The following MYD88 variants were observed in gnomAD, a reference collection of about 807,000 sequenced individuals.
MYD88 encodes the protein MYD88 innate immune signal transduction adaptor, also known as myeloid differentiation primary response protein MyD88.
MYD88 carries 15 observed loss-of-function variants against 31.1 expected under a neutral mutation model. The observed-to-expected ratio is 0.48, with a 90% CI of 0.32 to 0.74. The LOEUF is 0.74. Among genes scored for constraint, MYD88 ranks in the 30% least tolerant of loss-of-function variants. MYD88 has a pLI of 0.03. For missense variants in MYD88, 308 were observed against 387.4 expected, an observed-to-expected ratio of 0.79 and a Z score of 1.72; for synonymous variants, 157 against 158.8, an observed-to-expected ratio of 0.99 and a Z score of 0.08.
chr3:38,140,891 A>G (rs1339140162), intron 4 of MYD88, 43 bp downstream of exon 4: 1 of 1,577,328 alleles, frequency 6.3e-7, no homozygotes. Flanking sequence ...GGGAATGTGT[A>G]GGTGGGGCCT....
intron 2 of MYD88, 47 bp from the exon 3 acceptor site, chr3:38,140,341 A>G: frequency 3.1e-6 from 5 of 1,607,180 alleles, no homozygotes; most frequent in Non-Finnish European, 4.3e-6. Flanking sequence ...ATCCCTCCCA[A>G]GCCTTCCCAT....
Position 38,141,911 on chromosome 3 carries a change from A to T in MYD88, c.*625A>T, listed in dbSNP as rs962789142. On this transcript the variant is annotated 3_prime_UTR_variant, in exon 5 of 5. Transcript: ENST00000650905. The stretch of plus-strand genomic sequence containing the variant: ...GACCCCACCTTGAGCCTTATTTCCT[A>T]ATGGGTCCACCTCTCATCTGCATCT... The T allele has an allele frequency of 4.0e-6, 1 of 250,572 alleles. No individual in the cohort carries two copies. Among genetic ancestry groups the T allele is most frequent in the Non-Finnish European group, 7.9e-6 (1 of 127,170 alleles). The allele number at this position is 250,572 out of a possible 1,614,324, so 15.5% of individuals were successfully genotyped here.
rs1701061195 is a variant in MYD88 at position 38,140,778 on chromosome 3, T to A, written c.666T>A (p.Val222=). The A allele has an allele frequency of 6.2e-7, 1 of 1,614,042 alleles. No individual in the cohort carries two copies. The stretch of plus-strand genomic sequence containing the variant: ...CTAGGTGCCGCCGGATGGTGGTGGT[T>A]GTCTCTGATGATTACCTGCAGAGCA... ...IEKRCRRMVV[V]VSDDYLQSKE... The change falls in exon 4 of 5, where the codon GTT becomes GTA. Residue 222 remains valine (V), a synonymous_variant. Coordinates refer to ENST00000650905, the MANE Select transcript of MYD88 (RefSeq NM_002468.5).
At position 38,139,719 on chromosome 3, in the gene MYD88, G is replaced by T. The variant is rs954646966; in HGVS notation, c.329-145G>T. The T allele has an allele frequency of 9.6e-6, 10 of 1,044,078 alleles. No individual in the cohort carries two copies. The highest frequency in any genetic ancestry group is 1.4e-5 in the Non-Finnish European group (10 of 696,422). The allele number at this position is 1,044,078 out of a possible 1,614,324, so 64.7% of individuals were successfully genotyped here. On this transcript the variant is annotated intron_variant, in intron 1 of 4. Coordinates refer to ENST00000650905, the MANE Select transcript of MYD88 (RefSeq NM_002468.5). This position sits in a 1 kb window ranked among gnomAD's most constrained non-coding sequence, Gnocchi z 4.7. The stretch of plus-strand genomic sequence containing the variant: ...AGTGGGAGCTCAACTTCTCAGAGCC[G>T]TTGAGCTTCGCGTGGCACCAGTGAA...
Position 38,140,410 on chromosome 3 carries a change from TG to T in MYD88, c.487del (p.Ala163ProfsTer16). 7.4e-6 allele frequency: 12 copies of T among 1,614,206 alleles called. No individual in the cohort carries two copies. Among genetic ancestry groups the T allele is most frequent in the Non-Finnish European group, 1.0e-5 (12 of 1,180,028 alleles). ...PLGHMPERFD[A>X]FICYCPSDIQ... ...CAGGGCATATGCCTGAGCGTTTCGATGCCTTCATCTGCTATTGCCCCAGCGA... is the reference window on the plus strand; with the variant it reads ...CAGGGCATATGCCTGAGCGTTTCGATCCTTCATCTGCTATTGCCCCAGCGA... On this transcript the variant is annotated frameshift_variant, in exon 3 of 5. Transcript: ENST00000650905. LOFTEE classifies it high-confidence loss of function.
In MYD88 at chr3:38,141,797, C is replaced by A; in HGVS notation, c.*511C>A. 1 of 319,146 alleles carries A rather than the reference C, an allele frequency of 3.1e-6. No individual in the cohort carries two copies. The highest frequency in any genetic ancestry group is 4.5e-5 in the Admixed American group (1 of 22,114). 19.8% of individuals were successfully genotyped at this position (319,146 alleles called of 1,614,324 possible). ...GCAGCTTCTTCCACAGTGATGCCTA[C>A]TGATGCTTCAGTGCCTCTGCACACC... On this transcript the variant is annotated 3_prime_UTR_variant, in exon 5 of 5. Coordinates refer to ENST00000650905, the MANE Select transcript of MYD88 (RefSeq NM_002468.5).
rs1700987447 is a variant in MYD88 at position 38,138,733 on chromosome 3, G to A, written c.33G>A (p.Ala11=). The A allele has an allele frequency of 1.2e-6, 2 of 1,606,954 alleles. No homozygotes were observed. Among genetic ancestry groups the A allele is most frequent in the Non-Finnish European group, 1.7e-6 (2 of 1,175,612 alleles). MAAGGPGAGS[A]APVSSTSSLP... ...CAGGAGGTCCCGGCGCGGGGTCTGC[G>A]GCCCCGGTCTCCTCCACATCCTCCC... Residue 11 remains alanine (A), a synonymous_variant, in exon 1 of 5, where the codon GCG becomes GCA. Transcript: ENST00000650905. This position sits in a 1 kb window ranked among gnomAD's most constrained non-coding sequence, Gnocchi z 6.4.
chr3:38,138,984 A>G lies in MYD88; in HGVS notation c.284A>G (p.Lys95Arg). 6.2e-7 allele frequency: 1 copy of G among 1,607,732 alleles called. No homozygotes were observed. The highest frequency in any genetic ancestry group is 8.5e-7 in the Non-Finnish European group (1 of 1,179,894). ...GGCCGACTGCTCGAGCTGCTTACCA[A>G]GCTGGGCCGCGACGACGTGCTGCTG... ...SVGRLLELLT[K>R]LGRDDVLLEL... Residue 95 changes from lysine to arginine, a missense_variant, in exon 1 of 5, where the codon AAG (lysine) becomes AGG (arginine). Physicochemically the swap from Lys to Arg is conservative, Grantham distance 26 (BLOSUM62 2). Transcript: ENST00000650905. This position sits in a 1 kb window ranked among gnomAD's most constrained non-coding sequence, Gnocchi z 6.4.
At position 38,140,716 on chromosome 3, in the gene MYD88, T is replaced by C. The variant is rs770179494; in HGVS notation, c.645-41T>C. The C allele has an allele frequency of 3.7e-6, 6 of 1,605,024 alleles. No homozygotes were observed. In the Admixed American group the frequency reaches 6.7e-5, roughly 18 times the overall value. On this transcript the variant is annotated intron_variant, in intron 3 of 4. Transcript: ENST00000650905. The stretch of plus-strand genomic sequence containing the variant: ...GCTATTCCCAGGGGATATGCTGAAC[T>C]AAGTTGCCACAGGACCTGCAGCCTG...
Position 38,138,894 on chromosome 3 carries a change from A to C in MYD88, c.194A>C (p.Glu65Ala). The C allele has an allele frequency of 6.2e-7, 1 of 1,613,554 alleles. No individual in the cohort carries two copies. The highest frequency in any genetic ancestry group is 8.5e-7 in the Non-Finnish European group (1 of 1,180,008). The change falls in exon 1 of 5, where the codon GAG (glutamate) becomes GCG (alanine). Residue 65 changes from glutamate (E) to alanine (A), a missense_variant. Glu to Ala is a moderately radical substitution (Grantham distance 107, BLOSUM62 -1). Transcript: ENST00000650905. This position sits in a 1 kb window ranked among gnomAD's most constrained non-coding sequence, Gnocchi z 6.4. ...DFEYLEIRQL[E>A]TQADPTGRLL... The stretch of plus-strand genomic sequence containing the variant: ...GAGTACTTGGAGATCCGGCAACTGG[A>C]GACACAAGCGGACCCCACTGGCAGG...
At position 38,138,837 on chromosome 3, in the gene MYD88, A is replaced by G. The variant is rs1374235413; in HGVS notation, c.137A>G (p.Asp46Gly). Reference protein sequence around the residue: ...FLNVRTQVAADWTALAEEMDF... With the variant: ...FLNVRTQVAAGWTALAEEMDF... ...AACGTGCGGACACAGGTGGCGGCCG[A>G]CTGGACCGCGCTGGCGGAGGAGATG... The change falls in exon 1 of 5, where the codon GAC becomes GGC. Residue 46 changes from aspartate (D) to glycine (G), a missense_variant. Physicochemically the swap from Asp to Gly is moderately conservative, Grantham distance 94. Transcript: ENST00000650905. This position sits in a 1 kb window ranked among gnomAD's most constrained non-coding sequence, Gnocchi z 6.4. 6.2e-7 allele frequency: 1 copy of G among 1,613,740 alleles called. No individual in the cohort carries two copies. Among genetic ancestry groups the G allele is most frequent in the Non-Finnish European group, 8.5e-7 (1 of 1,179,996 alleles).
In MYD88 at chr3:38,139,782, T is replaced by G. The variant is rs1701028658; in HGVS notation, c.329-82T>G. The G allele has an allele frequency of 6.3e-7, 1 of 1,576,238 alleles. No individual in the cohort carries two copies. The highest frequency in any genetic ancestry group is 1.4e-5 in the African/African-American group (1 of 74,066). On this transcript the variant is annotated intron_variant, in intron 1 of 4. Coordinates refer to ENST00000650905, the MANE Select transcript of MYD88 (RefSeq NM_002468.5). The surrounding 1 kb of genome is among the most constrained non-coding windows in gnomAD (Gnocchi z 4.7). ...TCTAGAACAACCCAGCCAGAGGAGGTGGGACAGCGGCTGGATCCTGACTGT... is the reference window on the plus strand; with the variant it reads ...TCTAGAACAACCCAGCCAGAGGAGGGGGGACAGCGGCTGGATCCTGACTGT...
chr3:38,139,190 CCGGT>C lies in MYD88; in HGVS notation c.328+165_328+168del. ...TGCGGGTCCCGTTCCTTCTTAATAA[CCGGT>C]CGCGGTTATTAAGAAGGACTGGAGA... On this transcript the variant is annotated intron_variant, in intron 1 of 4. Transcript: ENST00000650905. The surrounding 1 kb of genome is among the most constrained non-coding windows in gnomAD (Gnocchi z 4.7). The C allele has an allele frequency of 9.9e-7, 1 of 1,011,852 alleles. No homozygotes were observed. The highest frequency in any genetic ancestry group is 1.4e-6 in the Non-Finnish European group (1 of 714,390). 62.7% of individuals were successfully genotyped at this position (1,011,852 alleles called of 1,614,324 possible).
At position 38,142,939 on chromosome 3, in the gene MYD88, G is replaced by A. The variant is rs569496011; in HGVS notation, c.*1653G>A. 7 of 233,264 alleles carry A rather than the reference G, an allele frequency of 3.0e-5. No individual in the cohort carries two copies. The East Asian group carries it at 4.2e-4, about 14-fold the overall frequency. 14.4% of individuals were successfully genotyped at this position (233,264 alleles called of 1,614,324 possible). A position where few individuals can be genotyped will look rare whatever the true frequency, so the allele number is the denominator to read the frequency against. ...ATAATTTCAAAGATATCTGAGAAAA[G>A]CCGATATTTGCCATTCTTCCTATAT... On this transcript the variant is annotated 3_prime_UTR_variant, in exon 5 of 5. Coordinates refer to ENST00000650905, the MANE Select transcript of MYD88 (RefSeq NM_002468.5).
In MYD88 at chr3:38,142,907, C is replaced by G. The variant is rs981544982; in HGVS notation, c.*1621C>G. ...AGGCATCTTCTACATGTTTTGTACG[C>G]ATTAAAATAATTTCAAAGATATCTG... On this transcript the variant is annotated 3_prime_UTR_variant, in exon 5 of 5. Coordinates refer to ENST00000650905, the MANE Select transcript of MYD88 (RefSeq NM_002468.5). 1.3e-5 allele frequency: 3 copies of G among 233,124 alleles called. No individual in the cohort carries two copies. The highest frequency in any genetic ancestry group is 6.6e-5 in the African/African-American group (3 of 45,306). The allele number at this position is 233,124 out of a possible 1,614,324, so 14.4% of individuals were successfully genotyped here.
Position 38,138,663 on chromosome 3 carries a change from T to C in MYD88, c.-38T>C. On this transcript the variant is annotated 5_prime_UTR_variant, in exon 1 of 5. The change abolishes an upstream ATG in the 5' untranslated region. Transcript: ENST00000650905. This position sits in a 1 kb window ranked among gnomAD's most constrained non-coding sequence, Gnocchi z 6.4. The stretch of plus-strand genomic sequence containing the variant: ...AGAAAGAGGAAGCGCTGGCAGACAA[T>C]GCGACCCGACCGCGCTGAGGCTCCA... The C allele has an allele frequency of 6.5e-7, 1 of 1,548,458 alleles. No homozygotes were observed. Among genetic ancestry groups the C allele is most frequent in the Non-Finnish European group, 8.7e-7 (1 of 1,146,918 alleles).
chr3:38,139,883 T>C lies in MYD88; in HGVS notation c.348T>C (p.Tyr116=). ...CCACAGAGGAGGATTGCCAAAAGTA[T>C]ATCTTGAAGCAGCAGCAGGAGGAGG... ...GPSIEEDCQK[Y]ILKQQQEEAE... is the part of the protein sequence containing the mutation. The change falls in exon 2 of 5, where the codon TAT becomes TAC. Residue 116 remains tyrosine, a synonymous_variant. Transcript: ENST00000650905. The surrounding 1 kb of genome is among the most constrained non-coding windows in gnomAD (Gnocchi z 4.7). The C allele has an allele frequency of 6.2e-7, 1 of 1,613,202 alleles. No individual in the cohort carries two copies. The highest frequency in any genetic ancestry group is 8.5e-7 in the Non-Finnish European group (1 of 1,180,004).
chr3:38,140,360 G>T lies in MYD88; in HGVS notation c.464-28G>T. 2.5e-6 allele frequency: 4 copies of T among 1,613,194 alleles called. No homozygotes were observed. The South Asian group carries it at 4.4e-5, about 18-fold the overall frequency. ...CTCCCAAGCCTTCCCATGGAGCTCT[G>T]ACCACCACCCTTGTGCTCTGCACCC... On this transcript the variant is annotated intron_variant, in intron 2 of 4. Coordinates refer to ENST00000650905, the MANE Select transcript of MYD88 (RefSeq NM_002468.5).
chr3:38,140,871 A>G, intron 4 of MYD88, 23 bp downstream of exon 4: 1 of 1,606,716 alleles, frequency 6.2e-7, no homozygotes, highest in Non-Finnish European at 8.5e-7. Context: ...CTGCTCTGGC[A>G]AGAGAATGAG....
Sources: allele counts gnomAD v4.1 joint callset, GRCh38; gene constraint gnomAD v4.1.1; non-coding constraint Gnocchi (gnomAD v3.1); transcripts MANE v1.5; gene names NCBI Gene and HGNC (gene_info 2026-07-23, HGNC 2026-07-21).